The following RYR3 variants were observed in gnomAD, a reference collection of about 807,000 sequenced individuals.
RYR3 encodes ryanodine receptor 3.
In RYR3, 207 loss-of-function variants were observed where a neutral mutation model predicts 584.3. The observed-to-expected ratio is 0.35, with a 90% confidence interval of 0.32 to 0.40. The LOEUF (loss-of-function observed/expected upper bound fraction) is 0.40. Ranked by LOEUF, RYR3 falls within the 10% of genes least tolerant of loss-of-function variation. The pLI, the probability that RYR3 is intolerant of heterozygous loss-of-function variation, is 1.00. For missense variants in RYR3, 5,616 were observed against 6,089.2 expected, an observed-to-expected ratio of 0.92 and a Z score of 2.59; for synonymous variants, 2,416 against 2,248.5, an observed-to-expected ratio of 1.07 and a Z score of -2.11.
intron 26 of RYR3, among the ~76,000 whole-genome samples, 184 bp from the exon 27 acceptor site, chr15:33,636,192 C>T (rs2061488660): frequency 6.6e-6 from 1 of 152,164 alleles, no homozygotes; most frequent in African/African-American, 2.4e-5. Flanking sequence ...GAGACTTGGG[C>T]TACCTTGTGT....
intron 67 of RYR3, among the ~76,000 whole-genome samples, chr15:33,794,295 T>A (rs191183806): frequency 0.29 from 21,006 of 73,384 alleles, 4,333 homozygotes; most frequent in East Asian, 0.55. Context: ...AAAAGATTTT[T>A]TATATATATA....
chr15:33,796,967 T>C (rs1567191845), intron 67 of RYR3, among the ~76,000 whole-genome samples: 1 of 152,202 alleles, frequency 6.6e-6, no homozygotes, highest in Non-Finnish European at 1.5e-5. Flanking sequence ...GCAACGTGCA[T>C]GGATTGGAGG....
chr15:33,843,639 A>T, intron 92 of RYR3, 65 bp downstream of exon 92: 1 of 1,095,864 alleles, frequency 9.1e-7, no homozygotes, highest in South Asian at 1.4e-5. Context: ...TGTGTAGAAA[A>T]AGAATCATGA....
chr15:33,647,283 C>T, intron 29 of RYR3, 141 bp from the exon 30 acceptor site: 3 of 651,008 alleles, frequency 4.6e-6, no homozygotes, highest in Non-Finnish European at 8.3e-6. Flanking sequence ...AGTCCCAAGA[C>T]TGGTTGCAAT....
intron 1 of RYR3, among the ~76,000 whole-genome samples, chr15:33,433,466 A>T (rs891144591): frequency 1.3e-5 from 2 of 152,218 alleles, no homozygotes; most frequent in East Asian, 3.8e-4. Context: ...TGTGCTGGAC[A>T]TATAAGATGA....
At chr15:33,733,631 G>A (rs1232143147) in intron 48 of RYR3, among the ~76,000 whole-genome samples, 1 of 152,154 alleles carries the variant, frequency 6.6e-6, no homozygotes, top group Non-Finnish European at 1.5e-5. Flanking sequence ...AGAATTTTTA[G>A]GGCAGTGGAA....
At chr15:33,832,114 T>G (rs72716806) in intron 86 of RYR3, among the ~76,000 whole-genome samples, 4,202 of 151,926 alleles carry the variant, frequency 0.028, 71 homozygotes, top group African/African-American at 0.035. Flanking sequence ...GGCAATATGG[T>G]GCAATCTCGT....
At chr15:33,719,604 G>T (rs1596304753) in intron 43 of RYR3, among the ~76,000 whole-genome samples, 1 of 152,168 alleles carries the variant, frequency 6.6e-6, no homozygotes, top group Admixed American at 6.5e-5. Context: ...ACAACTGAGA[G>T]GGCTGATGTA....
At chr15:33,789,658 ATTTTTTTTTTTTTTTTTTT>A (rs869151934) in intron 67 of RYR3, among the ~76,000 whole-genome samples, 12 of 12,778 alleles carry the variant, frequency 9.4e-4, no homozygotes, top group South Asian at 5.8e-3. Flanking sequence ...ATATATATAT[ATTTTTTTTTTTTTTTTTTT>A]TTTTTTTTTT....
At chr15:33,692,538 A>C (rs1341414487) in intron 38 of RYR3, among the ~76,000 whole-genome samples, 2 of 151,970 alleles carry the variant, frequency 1.3e-5, no homozygotes, top group Non-Finnish European at 2.9e-5. Context: ...TTTAAATGTC[A>C]GGCCTTCCAT....
chr15:33,537,506 A>T (rs1049134403), intron 5 of RYR3, among the ~76,000 whole-genome samples: 8 of 149,860 alleles, frequency 5.3e-5, no homozygotes, highest in Non-Finnish European at 1.2e-4. Context: ...TTCACAAGTC[A>T]TACACACTTT....
chr15:33,696,362 A>C lies in RYR3; in HGVS notation c.6005A>C (p.Lys2002Thr). Reference sequence around the variant, plus strand: ...GGGGAGCTGCTGCAGGCGCTGCGGAAGACCTACACCATCAGCCACACCTCT... The same window carrying C: ...GGGGAGCTGCTGCAGGCGCTGCGGACGACCTACACCATCAGCCACACCTCT... ...SIGELLQALR[K>T]TYTISHTSVS... The change falls in exon 39 of 104, where the codon AAG (lysine) becomes ACG (threonine). Residue 2002 changes from lysine (K) to threonine (T), a missense_variant. By Grantham distance (78) the Lys-to-Thr change is moderately conservative (BLOSUM62 -1). Coordinates refer to ENST00000634891, the MANE Select transcript of RYR3 (RefSeq NM_001036.6). 6.2e-7 allele frequency: 1 copy of C among 1,613,916 alleles called. No individual in the cohort carries two copies. The highest frequency in any genetic ancestry group is 8.5e-7 in the Non-Finnish European group (1 of 1,179,872).
intron 19 of RYR3, among the ~76,000 whole-genome samples, chr15:33,614,780 T>C (rs1368862182): frequency 1.3e-5 from 2 of 152,194 alleles, no homozygotes; most frequent in African/African-American, 2.4e-5. Context: ...ATTTATACTT[T>C]AACACTTGGG....
At chr15:33,536,270 C>A (rs1239201920) in intron 5 of RYR3, among the ~76,000 whole-genome samples, 1 of 152,130 alleles carries the variant, frequency 6.6e-6, no homozygotes, top group African/African-American at 2.4e-5. Flanking sequence ...GTTTCTTGAA[C>A]AATTCTAGCA....
chr15:33,802,270 C>T (rs1337933125), intron 69 of RYR3, among the ~76,000 whole-genome samples: 1 of 152,210 alleles, frequency 6.6e-6, no homozygotes, highest in African/African-American at 2.4e-5. Flanking sequence ...AGAACTTCTT[C>T]CTGTGTAGTG....
At chr15:33,475,264 T>C (rs1020360595) in intron 2 of RYR3, among the ~76,000 whole-genome samples, 1 of 152,136 alleles carries the variant, frequency 6.6e-6, no homozygotes, top group African/African-American at 2.4e-5. Flanking sequence ...AAACAAGTGG[T>C]ATCCTTTTCT....
In RYR3 at chr15:33,841,972, G is replaced by C. The variant is rs1389070593; in HGVS notation, c.13146G>C (p.Glu4382Asp). ...AGCGGCGGTGTGGTCAGAAGGTTGA[G>C]AAGCCGGAAGCTTTCACAGCCAATT... ...KKKRRCGQKV[E>D]KPEAFTANFF... is the part of the protein sequence containing the mutation. The change falls in exon 91 of 104, where the codon GAG (glutamate) becomes GAC (aspartate). Residue 4382 changes from glutamate to aspartate, a missense_variant. Transcript: ENST00000634891. 6.2e-7 allele frequency: 1 copy of C among 1,603,202 alleles called. No individual in the cohort carries two copies. Among genetic ancestry groups the C allele is most frequent in the Admixed American group, 1.7e-5 (1 of 58,740 alleles).
At position 33,619,529 on chromosome 15, in the gene RYR3, T is replaced by C. The variant is rs2060610664; in HGVS notation, c.2358-4278T>C. Among the ~76,000 whole-genome samples, 4 of 152,186 alleles carry C rather than the reference T, an allele frequency of 2.6e-5. No individual in the cohort carries two copies. In the South Asian group the frequency reaches 8.3e-4, roughly 32 times the overall value. ...AAGTGGACTGGTAGGTTTAACTTTA[T>C]TGCTTCTTCTTCTACCCCTGTAACT... On this transcript the variant is annotated intron_variant, in intron 19 of 103. Coordinates refer to ENST00000634891, the MANE Select transcript of RYR3 (RefSeq NM_001036.6).
intron 1 of RYR3, among the ~76,000 whole-genome samples, chr15:33,360,057 A>C (rs1416664216): frequency 6.6e-6 from 1 of 152,046 alleles, no homozygotes; most frequent in Non-Finnish European, 1.5e-5. Flanking sequence ...TTAGACTGTA[A>C]GTTTCACAAG....
Sources: gnomAD v4.1 joint callset for allele counts (sites outside exome capture counted in the v4.1 genomes callset) on GRCh38, gnomAD v4.1.1 for gene constraint, MANE v1.5 for transcripts, NCBI Gene and HGNC (gene_info 2026-07-23, HGNC 2026-07-21) for gene names.